SLC2A7: variants seen among roughly 807,000 people sequenced by gnomAD.
The protein encoded by SLC2A7 is solute carrier family 2 member 7, also known as solute carrier family 2, facilitated glucose transporter member 7.
In SLC2A7, 50 loss-of-function variants were observed where a neutral mutation model predicts 50.5. The ratio of observed to expected loss-of-function variants is 0.99; its 90% CI spans 0.79 to 1.25. SLC2A7 has a LOEUF of 1.25. SLC2A7 is among the 50% of genes most tolerant of loss of function. The pLI is 0.00. For missense variants in SLC2A7, 683 were observed against 679.1 expected, an observed-to-expected ratio of 1.01 and a Z score of -0.06; for synonymous variants, 308 against 300.4, an observed-to-expected ratio of 1.03 and a Z score of -0.26.
chr1:8,993,918 C>A, the SLC2A7 span, among the ~76,000 whole-genome samples: 1 of 152,170 alleles, frequency 6.6e-6, no homozygotes, highest in African/African-American at 2.4e-5. Context: ...TGAGCCACAG[C>A]GCCTGGCCAC....
At chr1:9,000,745 G>GGTGTGTGTGT (rs56985979), downstream of SLC2A7, among the ~76,000 whole-genome samples, 946 of 142,166 alleles carry the variant, frequency 6.7e-3, 21 homozygotes, top group African/African-American at 0.022. Flanking sequence ...TGACTTTCCT[G>GGTGTGTGTGT]GTGTGTGTGT....
rs769247632 is a variant in SLC2A7 at position 9,023,077 on chromosome 1, A to C, written c.152T>G (p.Val51Gly). Residue 51 changes from valine (V) to glycine (G), a missense_variant and splice_region_variant, in exon 3 of 12, where the codon GTC (valine) becomes GGC (glycine). Transcript: ENST00000400906. ...NLSVVNTPHK[V>G]FKSFYNETYF... is the part of the protein sequence containing the mutation. ...GGTTTCGTTGTAAAATGACTTGAAG[A>C]CCTGGAAAACATTGCCCCATCCACA... is the stretch of plus-strand genomic sequence containing the variant. 3.1e-6 allele frequency: 5 copies of C among 1,613,030 alleles called. No homozygotes were observed. The African/African-American group carries it at 6.7e-5, about 22-fold the overall frequency.
At chr1:9,016,353 C>T (rs1415105637) in intron 5 of SLC2A7, among the ~76,000 whole-genome samples, 2 of 152,152 alleles carry the variant, frequency 1.3e-5, no homozygotes, top group Non-Finnish European at 2.9e-5. Flanking sequence ...GCCTGTAATC[C>T]CTTCACTTTG....
In SLC2A7 at chr1:9,010,161, C is replaced by T. The variant is rs141673267; in HGVS notation, c.1098G>A (p.Thr366=). ...GICGSACLVL[T]VVLLFQNRVP... ...GTCAGACCTGGAATAGGAGCACCAC[C>T]GTCAGCACCAGGCAGGCAGAGCCGC... is the stretch of plus-strand genomic sequence containing the variant. The change falls in exon 9 of 12, where the codon ACG becomes ACA. Residue 366 remains threonine, a synonymous_variant. Coordinates refer to ENST00000400906, the MANE Select transcript of SLC2A7 (RefSeq NM_207420.3). 7.6e-5 allele frequency: 118 copies of T among 1,552,726 alleles called. No individual in the cohort carries two copies. In the African/African-American group the frequency reaches 1.3e-3, roughly 17 times the overall value.
intron 8 of SLC2A7, among the ~76,000 whole-genome samples, 155 bp from the exon 9 acceptor site, chr1:9,010,399 C>T (rs926305389): frequency 6.6e-6 from 1 of 152,094 alleles, no homozygotes; most frequent in Non-Finnish European, 1.5e-5. Context: ...GCTCTTGCTG[C>T]CCAGGCTGGA....
At chr1:9,002,071 C>T (rs1262890338), downstream of SLC2A7, among the ~76,000 whole-genome samples, 3 of 133,944 alleles carry the variant, frequency 2.2e-5, no homozygotes, top group African/African-American at 7.7e-5. Context: ...TAAAAGTCAT[C>T]GCCATTCTCC....
At chr1:9,002,602 C>G (rs758496875), downstream of SLC2A7, among the ~76,000 whole-genome samples, 1 of 152,218 alleles carries the variant, frequency 6.6e-6, no homozygotes, top group Non-Finnish European at 1.5e-5. Context: ...CCACATCCCC[C>G]TCACCAAGAC....
chr1:9,019,368 G>T (rs368635727), intron 3 of SLC2A7, 35 bp from the exon 4 acceptor site: 23 of 1,610,720 alleles, frequency 1.4e-5, no homozygotes, highest in Admixed American at 1.7e-5. Flanking sequence ...GCAGGGGTGC[G>T]TGGAGGCCGC....
rs771704481 is a variant in SLC2A7, at chr1:9,019,264, C to T, written c.381G>A (p.Val127=). The T allele has an allele frequency of 1.2e-6, 2 of 1,614,144 alleles. No individual in the cohort carries two copies. Among genetic ancestry groups the T allele is most frequent in the Non-Finnish European group, 1.7e-6 (2 of 1,180,012 alleles). Residue 127 remains valine (V), a synonymous_variant, in exon 4 of 12, where the codon GTG becomes GTA. Transcript: ENST00000400906. The stretch of plus-strand genomic sequence containing the variant: ...AGACGATCAGCTCAAAAGCCTTGGC[C>T]ACTTTGCTGACTCCCATCAGGATGG... The part of the protein sequence containing the change: ...IPAILMGVSK[V]AKAFELIVFS...
intron 3 of SLC2A7, among the ~76,000 whole-genome samples, chr1:9,022,399 G>A (rs917676177): frequency 3.3e-5 from 5 of 152,114 alleles, no homozygotes; most frequent in African/African-American, 1.2e-4. Flanking sequence ...TAGTGAATCT[G>A]TGTAAGCCAA....
Position 9,019,026 on chromosome 1 carries a change from TTAAC to T in SLC2A7, c.436+179_436+182del, listed in dbSNP as rs541513342. On this transcript the variant is annotated intron_variant, in intron 4 of 11. Transcript: ENST00000400906. The stretch of plus-strand genomic sequence containing the variant: ...GTGAGGCTCTGTCTCTAAAAAAAGA[TTAAC>T]TAATTAATTAATTAAGAAAAACAAG... 3.3e-3 allele frequency among the ~76,000 whole-genome samples: 500 copies of T among 152,194 alleles called. 3 individuals carry two copies. Among genetic ancestry groups the T allele is most frequent in the African/African-American group, 0.012 (488 of 41,514 alleles).
rs569188284 is a variant in SLC2A7, at chr1:9,008,971, C to A, written c.1116+1172G>T. ...AACTTTAATTGATTTATGAGCATCA[C>A]TAACACTGTTCGTCGCCAGGCCTTG... On this transcript the variant is annotated intron_variant, in intron 9 of 11. Coordinates refer to ENST00000400906, the MANE Select transcript of SLC2A7 (RefSeq NM_207420.3). The surrounding 1 kb of genome is among the most constrained non-coding windows in gnomAD (Gnocchi z 5.9). Among the ~76,000 whole-genome samples the A allele has an allele frequency of 6.6e-6, 1 of 152,222 alleles. No individual in the cohort carries two copies. The highest frequency in any genetic ancestry group is 1.5e-5 in the Non-Finnish European group (1 of 68,036).
intron 2 of SLC2A7, 76 bp from the exon 3 acceptor site, chr1:9,023,154 A>C (rs1640939886): frequency 1.3e-6 from 2 of 1,506,174 alleles, no homozygotes; most frequent in South Asian, 2.5e-5. Context: ...CTCAGTGGCC[A>C]CTTGTCATTG....
At position 9,003,538 on chromosome 1, in the gene SLC2A7, A is replaced by G; in HGVS notation, c.1321-20T>C. On this transcript the variant is annotated intron_variant, in intron 11 of 11. Transcript: ENST00000400906. ...GGCCTCCTAGACCAGGAGACGAGAA[A>G]GACAGGAGGGGGCAGAGAAAGGCAA... 1 of 1,608,754 alleles carries G rather than the reference A, an allele frequency of 6.2e-7. No homozygotes were observed. Among genetic ancestry groups the G allele is most frequent in the Non-Finnish European group, 8.5e-7 (1 of 1,175,278 alleles).
Position 9,003,056 on chromosome 1 carries a change from G to A in SLC2A7, c.*244C>T, listed in dbSNP as rs1483986677. Among the ~76,000 whole-genome samples the A allele has an allele frequency of 6.6e-6, 1 of 152,192 alleles. No homozygotes were observed. Among genetic ancestry groups the A allele is most frequent in the Non-Finnish European group, 1.5e-5 (1 of 68,044 alleles). On this transcript the variant is annotated 3_prime_UTR_variant, in exon 12 of 12. Coordinates refer to ENST00000400906, the MANE Select transcript of SLC2A7 (RefSeq NM_207420.3). The stretch of plus-strand genomic sequence containing the variant: ...GGTGCCAATGTAGAATCGGAAAATC[G>A]AGTCTTAACCAATCAAAATTCACGT...
rs61744620 is a variant in SLC2A7 at position 9,023,035 on chromosome 1, G to T, written c.194C>A (p.Ala65Glu). ...CATGAGCTTCCCGTCCATGAATGTT[G>T]CGTGTCGCTCAAAGTAGGTTTCGTT... ...FYNETYFERH[A>E]TFMDGKLMLL... The change falls in exon 3 of 12, where the codon GCA becomes GAA. Residue 65 changes from alanine to glutamate, a missense_variant. Transcript: ENST00000400906. 7,161 of 1,614,116 alleles carry T rather than the reference G, an allele frequency of 4.4e-3. 287 individuals carry two copies. In the African/African-American group the frequency reaches 0.083, roughly 19 times the overall value.
the SLC2A7 span, among the ~76,000 whole-genome samples, chr1:8,993,217 T>G: frequency 2.6e-5 from 4 of 152,174 alleles, no homozygotes; most frequent in African/African-American, 9.7e-5. Context: ...TCAGGTCTCA[T>G]GAGACGTATT....
chr1:9,004,226 GGGAGGCTGAGGTA>G (rs1210168508), intron 11 of SLC2A7, among the ~76,000 whole-genome samples: 12 of 151,942 alleles, frequency 7.9e-5, no homozygotes, highest in African/African-American at 2.9e-4. Flanking sequence ...CCAGCGACTT[GGGAGGCTGAGGTA>G]GGAGGATCAC....
chr1:8,999,900 G>T (rs1640552158), downstream of SLC2A7, among the ~76,000 whole-genome samples: 1 of 152,180 alleles, frequency 6.6e-6, no homozygotes, highest in Non-Finnish European at 1.5e-5. Flanking sequence ...TCTGGGATGA[G>T]CGTGCAGGGG....
Sources: allele counts gnomAD v4.1 joint callset (sites outside exome capture counted in the v4.1 genomes callset), GRCh38; gene constraint gnomAD v4.1.1; non-coding constraint Gnocchi (gnomAD v3.1); transcripts MANE v1.5; gene names NCBI Gene and HGNC (gene_info 2026-07-23, HGNC 2026-07-21).